The following ABCB4 variants were observed in gnomAD, a reference collection of about 807,000 sequenced individuals.
ABCB4 encodes phosphatidylcholine translocator ABCB4.
Under a neutral mutation model 145.7 loss-of-function variants are expected in ABCB4, and 76 were observed. That is an observed-to-expected ratio of 0.52 (90% CI 0.43 to 0.63). The LOEUF (loss-of-function observed/expected upper bound fraction) is 0.63, where lower values mean the gene tolerates loss of function less well. Among genes scored for constraint, ABCB4 ranks in the 30% least tolerant of loss-of-function variants. ABCB4 has a pLI of 0.00. For synonymous variants in ABCB4, 517 were observed against 566.8 expected (o/e 0.91, Z 1.25); for missense variants, 1,234 against 1,553.1 (o/e 0.79, Z 3.45).
chr7:87,433,955 G>C (rs1350229666), intron 14 of ABCB4, among the ~76,000 whole-genome samples: 1 of 150,982 alleles, frequency 6.6e-6, no homozygotes, highest in Admixed American at 6.6e-5. Context: ...TTTTGAGATG[G>C]AGTCTTGCTC....
At chr7:87,467,123 A>G (rs1812961232) in intron 3 of ABCB4, among the ~76,000 whole-genome samples, 1 of 152,000 alleles carries the variant, frequency 6.6e-6, no homozygotes, top group African/African-American at 2.4e-5. Flanking sequence ...TAAAGAGTCA[A>G]GACCCATCAG....
At chr7:87,367,405 T>G in the ABCB4 span, among the ~76,000 whole-genome samples, 3 of 152,198 alleles carry the variant, frequency 2.0e-5, no homozygotes, top group Non-Finnish European at 4.4e-5. Flanking sequence ...AACACAGCCC[T>G]GATGGCACCT....
chr7:87,375,663 A>C, the ABCB4 span: 1 of 1,613,432 alleles, frequency 6.2e-7, no homozygotes, highest in Middle Eastern at 1.7e-4. Context: ...GAAGTGCCAT[A>C]GTGAACCTGA....
In ABCB4 at chr7:87,475,381, T is replaced by C. The variant is rs186976987; in HGVS notation, c.80+5A>G. ...CGGAAAAGCCAGTGGCTGCTGGGGA[T>C]GTACCTGCTGATGCCCAGTTCAAAG... is the stretch of plus-strand genomic sequence containing the variant. On this transcript the variant is annotated splice_donor_5th_base_variant and intron_variant, in intron 2 of 27. Coordinates refer to ENST00000649586, the MANE Select transcript of ABCB4 (RefSeq NM_000443.4). The C allele has an allele frequency of 3.1e-6, 5 of 1,614,104 alleles. No homozygotes were observed. In the Admixed American group the frequency reaches 5.0e-5, roughly 16 times the overall value.
At chr7:87,469,306 T>C (rs907788203) in intron 3 of ABCB4, among the ~76,000 whole-genome samples, 3 of 152,062 alleles carry the variant, frequency 2.0e-5, no homozygotes, top group African/African-American at 4.8e-5. Flanking sequence ...CCTTTGAAAA[T>C]TGGCACAAGA....
chr7:87,413,722 A>G lies in ABCB4; in HGVS notation c.2683-5T>C. On this transcript the variant is annotated splice_polypyrimidine_tract_variant and splice_region_variant and intron_variant, in intron 21 of 27. Coordinates refer to ENST00000649586, the MANE Select transcript of ABCB4 (RefSeq NM_000443.4). ...TTCTATTGCCTCTGTTGCAATCTGT[A>G]ACACAGAATAGACCTTCATTAGAAG... 1 of 1,567,060 alleles carries G rather than the reference A, an allele frequency of 6.4e-7. No individual in the cohort carries two copies. Among genetic ancestry groups the G allele is most frequent in the Non-Finnish European group, 8.8e-7 (1 of 1,137,554 alleles).
At chr7:87,472,085 C>T (rs752092974) in intron 3 of ABCB4, among the ~76,000 whole-genome samples, 34 of 152,220 alleles carry the variant, frequency 2.2e-4, no homozygotes, top group African/African-American at 7.2e-4. Context: ...TAGCTCTGTC[C>T]GGTGTCATCG....
downstream of ABCB4, among the ~76,000 whole-genome samples, chr7:87,401,077 A>G (rs1807759284): frequency 6.6e-6 from 1 of 152,184 alleles, no homozygotes; most frequent in Non-Finnish European, 1.5e-5. Flanking sequence ...TAGGTCAAAC[A>G]CTACTTTGGG....
At chr7:87,398,380 A>G (rs765143410), downstream of ABCB4, 22 of 970,412 alleles carry the variant, frequency 2.3e-5, 1 homozygote, top group South Asian at 1.3e-5. Flanking sequence ...TTTACCTTCA[A>G]TTGTGTCAGG....
chr7:87,390,096 A>G, the ABCB4 span, among the ~76,000 whole-genome samples: 1 of 152,182 alleles, frequency 6.6e-6, no homozygotes, highest in South Asian at 2.1e-4. Flanking sequence ...TTGTATTCCC[A>G]TGGTGATATT....
intron 3 of ABCB4, among the ~76,000 whole-genome samples, chr7:87,469,812 C>G (rs1303621120): frequency 2.6e-5 from 4 of 152,118 alleles, no homozygotes; most frequent in African/African-American, 9.7e-5. Context: ...TTTATAGATT[C>G]AATGCCATCC....
At chr7:87,434,477 C>T (rs528843065) in intron 14 of ABCB4, among the ~76,000 whole-genome samples, 13 of 152,080 alleles carry the variant, frequency 8.5e-5, no homozygotes, top group Middle Eastern at 3.4e-3. Context: ...GGGCCGGGCG[C>T]GGTGGCTCAC....
intron 3 of ABCB4, among the ~76,000 whole-genome samples, chr7:87,467,467 A>C (rs60624924): frequency 2.0e-4 from 30 of 151,974 alleles, no homozygotes; most frequent in African/African-American, 7.0e-4. Flanking sequence ...AGACCCCACT[A>C]TCAGCATTAG....
In ABCB4 at chr7:87,452,964, T is replaced by A. The variant is rs780156872; in HGVS notation, c.516A>T (p.Glu172Asp). ...CCTACTCTGTTAGCCGCGTATTGAG[T>A]TCAGTGGTGTCGTTGATGTCAAACC... ...IGWFDINDTT[E>D]LNTRLTDDIS... Residue 172 changes from glutamate (E) to aspartate (D), a missense_variant, in exon 6 of 28, where the codon GAA becomes GAT. Glu to Asp is a conservative substitution (Grantham distance 45). Coordinates refer to ENST00000649586, the MANE Select transcript of ABCB4 (RefSeq NM_000443.4). 1.5e-5 allele frequency: 24 copies of A among 1,613,934 alleles called. No individual in the cohort carries two copies. The highest frequency in any genetic ancestry group is 2.0e-5 in the Non-Finnish European group (24 of 1,179,980).
At chr7:87,413,028 T>C (rs575118060) in intron 22 of ABCB4, among the ~76,000 whole-genome samples, 1 of 152,358 alleles carries the variant, frequency 6.6e-6, no homozygotes, top group East Asian at 1.9e-4. Flanking sequence ...TGCAAAATTG[T>C]AATCTAAGTT....
downstream of ABCB4, chr7:87,398,727 G>A: frequency 7.5e-7 from 1 of 1,327,874 alleles, no homozygotes; most frequent in Non-Finnish European, 1.0e-6. Context: ...AGATGGGAAG[G>A]AATGTTGACT....
chr7:87,465,828 C>A (rs771613431), intron 3 of ABCB4, among the ~76,000 whole-genome samples: 3 of 152,204 alleles, frequency 2.0e-5, no homozygotes, highest in African/African-American at 2.4e-5. Context: ...AACAGACCTG[C>A]GGCTGAGGGT....
chr7:87,452,739 A>G, intron 6 of ABCB4: 2 of 627,976 alleles, frequency 3.2e-6, no homozygotes, highest in South Asian at 3.9e-5. Flanking sequence ...CAGTCCTCAA[A>G]TAAACCTACT....
chr7:87,475,521 C>A lies in ABCB4; in HGVS notation c.-6-50G>T, dbSNP rs1448354991. 2.5e-6 allele frequency: 4 copies of A among 1,596,398 alleles called. No homozygotes were observed. In the African/African-American group the frequency reaches 4.0e-5, roughly 16 times the overall value. ...ACCAAGTACACCCTCTCCGGCGGCC[C>A]GGCGCACGAGTCGCGGGGCCCGGGG... On this transcript the variant is annotated intron_variant, in intron 1 of 27. Transcript: ENST00000649586.
Sources: gnomAD v4.1 joint callset for allele counts (sites outside exome capture counted in the v4.1 genomes callset) on GRCh38, gnomAD v4.1.1 for gene constraint, MANE v1.5 for transcripts, NCBI Gene and HGNC (gene_info 2026-07-23, HGNC 2026-07-21) for gene names.